The following ESYT2 variants were observed in gnomAD, a reference collection of about 807,000 sequenced individuals.
ESYT2 encodes extended synaptotagmin 2, also known as extended synaptotagmin-2.
ESYT2 carries 54 observed loss-of-function variants against 107.2 expected under a neutral mutation model. The observed-to-expected ratio is 0.50, with a 90% CI of 0.40 to 0.63. The LOEUF is 0.63. ESYT2 is among the 30% of genes least tolerant of loss of function. The pLI, the probability that ESYT2 is intolerant of heterozygous loss-of-function variation, is 0.00. For synonymous variants in ESYT2, 491 were observed against 434.1 expected (o/e 1.13, Z -1.63); for missense variants, 1,020 against 1,094.5 (o/e 0.93, Z 0.96).
At chr7:158,824,371 A>C (rs1043412388) in intron 1 of ESYT2, among the ~76,000 whole-genome samples, 6 of 152,238 alleles carry the variant, frequency 3.9e-5, no homozygotes, top group Non-Finnish European at 7.3e-5. Context: ...TTTCAGTTAC[A>C]AGTCTTCACA....
chr7:158,773,521 T>C, intron 6 of ESYT2, 125 bp from the exon 7 acceptor site: 1 of 835,618 alleles, frequency 1.2e-6, no homozygotes. Flanking sequence ...ACACCCTTCA[T>C]CCTTCGTAAT....
Position 158,760,133 on chromosome 7 carries a change from G to A in ESYT2, c.1248C>T (p.Asp416=), listed in dbSNP as rs375394186. The A allele has an allele frequency of 1.9e-4, 308 of 1,613,990 alleles. No individual in the cohort carries two copies. The highest frequency in any genetic ancestry group is 6.3e-4 in the Admixed American group (38 of 59,990). The change falls in exon 12 of 23, where the codon GAC becomes GAT. Residue 416 remains aspartate (D), a synonymous_variant. Coordinates refer to ENST00000275418, the MANE Select transcript of ESYT2 (RefSeq NM_001367773.1). ...ERLLDEWFTL[D]EVPKGKLHLR... Reference sequence around the variant, plus strand: ...AGTGTAGCTTCCCCTTGGGAACCTCGTCCAGAGTGAACCACTGAAGAGAAA... The same window carrying A: ...AGTGTAGCTTCCCCTTGGGAACCTCATCCAGAGTGAACCACTGAAGAGAAA...
chr7:158,805,008 G>A (rs1839784533), intron 1 of ESYT2, among the ~76,000 whole-genome samples: 1 of 152,174 alleles, frequency 6.6e-6, no homozygotes, highest in South Asian at 2.1e-4. Context: ...TCCTGACAGT[G>A]GACGAGACTT....
chr7:158,790,937 AAATG>A lies in ESYT2; in HGVS notation c.585-2524_585-2521del, dbSNP rs530575488. Among the ~76,000 whole-genome samples the A allele has an allele frequency of 7.2e-5, 11 of 152,210 alleles. No individual in the cohort carries two copies. The East Asian group carries it at 1.2e-3, about 16-fold the overall frequency. On this transcript the variant is annotated intron_variant, in intron 4 of 22. Transcript: ENST00000275418. The stretch of plus-strand genomic sequence containing the variant: ...AGTGAGACTCTGTCTCAAAATAAAT[AAATG>A]AATTAATTAACACCCCAAAAATCTA...
chr7:158,787,015 C>T (rs1486154668), intron 6 of ESYT2, among the ~76,000 whole-genome samples: 4 of 152,066 alleles, frequency 2.6e-5, no homozygotes, highest in South Asian at 2.1e-4. Flanking sequence ...GAGGTAGTGG[C>T]GAGGTGTGGG....
intron 13 of ESYT2, among the ~76,000 whole-genome samples, chr7:158,755,857 G>A (rs1021282415): frequency 6.6e-6 from 1 of 152,080 alleles, no homozygotes; most frequent in Non-Finnish European, 1.5e-5. Context: ...TCACATACTA[G>A]GGGCCGTCAG....
chr7:158,810,499 C>T (rs1012832765), intron 1 of ESYT2, among the ~76,000 whole-genome samples: 2 of 152,108 alleles, frequency 1.3e-5, no homozygotes, highest in African/African-American at 4.8e-5. Context: ...CAGCCCAACA[C>T]AGTGAAGCCC....
At chr7:158,787,249 C>T (rs1003253054) in intron 6 of ESYT2, among the ~76,000 whole-genome samples, 5 of 152,198 alleles carry the variant, frequency 3.3e-5, no homozygotes, top group Admixed American at 2.6e-4. Context: ...ACACAGTATA[C>T]GTTCCACATC....
intron 4 of ESYT2, among the ~76,000 whole-genome samples, chr7:158,791,455 T>C (rs1372934918): frequency 1.3e-5 from 2 of 152,230 alleles, no homozygotes; most frequent in African/African-American, 4.8e-5. Flanking sequence ...AGGCGGGATT[T>C]CTGGATCACA....
At chr7:158,784,808 G>A (rs1358458837) in intron 6 of ESYT2, among the ~76,000 whole-genome samples, 3 of 152,172 alleles carry the variant, frequency 2.0e-5, no homozygotes, top group South Asian at 2.1e-4. Context: ...ATTTTACAGA[G>A]GAAGAAATGG....
At position 158,731,841 on chromosome 7, in the gene ESYT2, C is replaced by T. The variant is rs1036384154; in HGVS notation, c.*2366G>A. The T allele has an allele frequency of 2.0e-5, 3 of 152,572 alleles. No individual in the cohort carries two copies. Among genetic ancestry groups the T allele is most frequent in the South Asian group, 2.1e-4 (1 of 4,838 alleles). 9.5% of individuals were successfully genotyped at this position (152,572 alleles called of 1,614,324 possible). On this transcript the variant is annotated 3_prime_UTR_variant, in exon 23 of 23. Coordinates refer to ENST00000275418, the MANE Select transcript of ESYT2 (RefSeq NM_001367773.1). ...TTGACAACTCAAGAGTGTCTGACAT[C>T]GCTGGGATCCTGGAGTGCTGAGTGT...
At chr7:158,815,146 C>T (rs1351900429) in intron 1 of ESYT2, among the ~76,000 whole-genome samples, 9 of 152,196 alleles carry the variant, frequency 5.9e-5, no homozygotes, top group Non-Finnish European at 8.8e-5. Flanking sequence ...TGTTTTCTCA[C>T]GGGTTTTCTG....
At chr7:158,742,507 T>A (rs1837250420) in intron 17 of ESYT2, among the ~76,000 whole-genome samples, 1 of 152,176 alleles carries the variant, frequency 6.6e-6, no homozygotes, top group African/African-American at 2.4e-5. Flanking sequence ...CCAAAGCCCG[T>A]ATTCTACATA....
At chr7:158,775,395 T>C (rs950432359) in intron 6 of ESYT2, among the ~76,000 whole-genome samples, 5 of 150,352 alleles carry the variant, frequency 3.3e-5, no homozygotes, top group African/African-American at 9.8e-5. Context: ...CACTGTTTGA[T>C]AGCATTTTAC....
intron 15 of ESYT2, 53 bp downstream of exon 15, chr7:158,749,596 G>A (rs566965984): frequency 1.8e-5 from 29 of 1,574,762 alleles, no homozygotes; most frequent in Middle Eastern, 1.7e-4. Context: ...ACGGCAACAC[G>A]GACAGCGCCC....
At chr7:158,737,614 T>C (rs1008736358) in intron 19 of ESYT2, among the ~76,000 whole-genome samples, 1 of 152,166 alleles carries the variant, frequency 6.6e-6, no homozygotes, top group Non-Finnish European at 1.5e-5. Flanking sequence ...CCCCACATTC[T>C]TCGCTTGCTG....
intron 7 of ESYT2, among the ~76,000 whole-genome samples, chr7:158,768,914 C>T (rs77428427): frequency 2.0e-5 from 3 of 152,242 alleles, no homozygotes; most frequent in African/African-American, 2.4e-5. Flanking sequence ...TTAGGGTAAA[C>T]GTGAGAATTA....
At chr7:158,825,067 T>C (rs1840399247) in intron 1 of ESYT2, among the ~76,000 whole-genome samples, 1 of 152,158 alleles carries the variant, frequency 6.6e-6, no homozygotes, top group Non-Finnish European at 1.5e-5. Flanking sequence ...CCAAGGCTGG[T>C]GGATCACCTG....
Position 158,829,148 on chromosome 7 carries a change from G to C in ESYT2, c.271C>G (p.Leu91Val). The change falls in exon 1 of 23, where the codon CTG becomes GTG. Residue 91 changes from leucine (L) to valine (V), a missense_variant. Leu to Val is a conservative substitution (Grantham distance 32, BLOSUM62 1). Coordinates refer to ENST00000275418, the MANE Select transcript of ESYT2 (RefSeq NM_001367773.1). Reference sequence around the variant, plus strand: ...CGCACGACGCGCTCCTCGTCTTCCAGCAGCGCCAGCGCGCGGCACAGGCGC... The same window carrying C: ...CGCACGACGCGCTCCTCGTCTTCCACCAGCGCCAGCGCGCGGCACAGGCGC... ...ALRLCRALAL[L>V]EDEERVVRLG... The C allele has an allele frequency of 1.3e-6, 2 of 1,563,324 alleles. No homozygotes were observed. Among genetic ancestry groups the C allele is most frequent in the Non-Finnish European group, 1.7e-6 (2 of 1,163,536 alleles).
Sources: gnomAD v4.1 joint callset for allele counts (sites outside exome capture counted in the v4.1 genomes callset) on GRCh38, gnomAD v4.1.1 for gene constraint, MANE v1.5 for transcripts, NCBI Gene and HGNC (gene_info 2026-07-23, HGNC 2026-07-21) for gene names.